The following FAM229B variants were observed in gnomAD, a reference collection of about 807,000 sequenced individuals.
FAM229B encodes family with sequence similarity 229 member B.
A neutral mutation model predicts 6.7 loss-of-function variants in FAM229B; 2 were observed. The observed-to-expected ratio is 0.30, with a 90% confidence interval of 0.12 to 0.94. The LOEUF (loss-of-function observed/expected upper bound fraction) is 0.94, where lower values mean the gene tolerates loss of function less well. Among genes scored for constraint, FAM229B ranks in the 40% least tolerant of loss-of-function variants. FAM229B has a pLI of 0.54. For synonymous variants in FAM229B, 29 were observed against 34.0 expected (o/e 0.85, Z 0.51); for missense variants, 93 against 96.2 (o/e 0.97, Z 0.14).
In FAM229B at chr6:112,097,063, A is replaced by G. The variant is rs1300722625; in HGVS notation, c.-153A>G. 2.6e-5 allele frequency: 4 copies of G among 152,230 alleles called. No individual in the cohort carries two copies. Among genetic ancestry groups the G allele is most frequent in the African/African-American group, 7.2e-5 (3 of 41,456 alleles). The allele number at this position is 152,230 out of a possible 1,614,324, so 9.4% of individuals were successfully genotyped here. A position where few individuals can be genotyped will look rare whatever the true frequency, so the allele number is the denominator to read the frequency against. Reference sequence around the variant, plus strand: ...TAGCAGGTAGGAAACTATGTGAAAGAATCTCCTGATGTCATAATTTCCGGG... The same window carrying G: ...TAGCAGGTAGGAAACTATGTGAAAGGATCTCCTGATGTCATAATTTCCGGG... On this transcript the variant is annotated 5_prime_UTR_variant, in exon 2 of 4. Coordinates refer to ENST00000368656, the MANE Select transcript of FAM229B (RefSeq NM_001033564.3).
chr6:112,100,590 A>G, intron 3 of FAM229B, 80 bp from the exon 4 acceptor site: 1 of 882,732 alleles, frequency 1.1e-6, no homozygotes, highest in Non-Finnish European at 1.9e-6. Flanking sequence ...AGTTAAATAT[A>G]CAATCAAACT....
chr6:112,090,763 G>A (rs1395207384), intron 1 of FAM229B, among the ~76,000 whole-genome samples: 1 of 152,022 alleles, frequency 6.6e-6, no homozygotes, highest in Non-Finnish European at 1.5e-5. Context: ...TATTAATGGG[G>A]TACAGTTGAT....
chr6:112,100,797 G>A lies in FAM229B; in HGVS notation c.*10G>A, dbSNP rs1554319200. On this transcript the variant is annotated 3_prime_UTR_variant, in exon 4 of 4. Transcript: ENST00000368656. ...AATGCATCCTAAATAGCACCATTAA[G>A]TCTTTTGTCAAGGTCTGACTAGGTC... 3 of 1,601,194 alleles carry A rather than the reference G, an allele frequency of 1.9e-6. No individual in the cohort carries two copies. The South Asian group carries it at 3.3e-5, about 18-fold the overall frequency.
rs1350099897 is a variant in FAM229B, at chr6:112,101,088, T to G, written c.*301T>G. The G allele has an allele frequency of 1.3e-5, 3 of 235,750 alleles. No individual in the cohort carries two copies. Among genetic ancestry groups the G allele is most frequent in the African/African-American group, 6.8e-5 (3 of 43,842 alleles). The allele number at this position is 235,750 out of a possible 1,614,324, so 14.6% of individuals were successfully genotyped here. A position where few individuals can be genotyped will look rare whatever the true frequency, so the allele number is the denominator to read the frequency against. On this transcript the variant is annotated 3_prime_UTR_variant, in exon 4 of 4. Transcript: ENST00000368656. ...AAAGATGAAGCTTAATCCACCATGG[T>G]CATCAGTCAGGTGGGGCTTATTCTA...
chr6:112,099,022 C>T (rs868922362), intron 2 of FAM229B, among the ~76,000 whole-genome samples: 10 of 152,206 alleles, frequency 6.6e-5, no homozygotes, highest in Non-Finnish European at 7.4e-5. Flanking sequence ...AGGGCAGGCA[C>T]GTTGTGTGCA....
chr6:112,095,687 A>C (rs1291479244), intron 1 of FAM229B, among the ~76,000 whole-genome samples: 1 of 150,816 alleles, frequency 6.6e-6, no homozygotes, highest in Non-Finnish European at 1.5e-5. Flanking sequence ...AGAAAAAAAA[A>C]AACCTCTAAC....
At chr6:112,089,347 A>G (rs1777226577) in intron 1 of FAM229B, among the ~76,000 whole-genome samples, 1 of 151,990 alleles carries the variant, frequency 6.6e-6, no homozygotes, top group Admixed American at 6.6e-5. Flanking sequence ...AAAGATGGAT[A>G]AAGTACAAGA....
At chr6:112,091,698 A>G (rs1777259186) in intron 1 of FAM229B, among the ~76,000 whole-genome samples, 1 of 152,176 alleles carries the variant, frequency 6.6e-6, no homozygotes, top group Non-Finnish European at 1.5e-5. Flanking sequence ...CAAGTCAAAA[A>G]TTGCCAGATA....
chr6:112,096,710 T>C (rs752813767), intron 1 of FAM229B, among the ~76,000 whole-genome samples: 69 of 152,076 alleles, frequency 4.5e-4, no homozygotes, highest in Non-Finnish European at 2.5e-4. Flanking sequence ...GTAAGAGTTA[T>C]AGAGAAATTT....
intron 1 of FAM229B, among the ~76,000 whole-genome samples, chr6:112,094,841 G>C (rs892296702): frequency 6.6e-6 from 1 of 152,024 alleles, no homozygotes; most frequent in Admixed American, 6.5e-5. Context: ...GATACTTAAG[G>C]GGGTATTTGG....
Position 112,100,831 on chromosome 6 carries a change from TG to T in FAM229B, c.*46del. 1 of 1,378,070 alleles carries T rather than the reference TG, an allele frequency of 7.3e-7. No individual in the cohort carries two copies. The allele number at this position is 1,378,070 out of a possible 1,614,324, so 85.4% of individuals were successfully genotyped here. A position where few individuals can be genotyped will look rare whatever the true frequency, so the allele number is the denominator to read the frequency against. On this transcript the variant is annotated 3_prime_UTR_variant, in exon 4 of 4. Coordinates refer to ENST00000368656, the MANE Select transcript of FAM229B (RefSeq NM_001033564.3). ...CAAGGTCTGACTAGGTCAAGGGTAA[TG>T]GACCAGTATCATCTGGTGATCTGGT...
chr6:112,090,204 G>T (rs1318107428), intron 1 of FAM229B, among the ~76,000 whole-genome samples: 2 of 134,508 alleles, frequency 1.5e-5, no homozygotes, highest in African/African-American at 6.0e-5. Context: ...AGAGTTGTGG[G>T]TGGTCTGTTT....
At position 112,100,847 on chromosome 6, in the gene FAM229B, G is replaced by T; in HGVS notation, c.*60G>T. 8.3e-7 allele frequency: 1 copy of T among 1,209,198 alleles called. No homozygotes were observed. Among genetic ancestry groups the T allele is most frequent in the South Asian group, 1.3e-5 (1 of 79,618 alleles). The allele number at this position is 1,209,198 out of a possible 1,614,324, so 74.9% of individuals were successfully genotyped here. On this transcript the variant is annotated 3_prime_UTR_variant, in exon 4 of 4. Coordinates refer to ENST00000368656, the MANE Select transcript of FAM229B (RefSeq NM_001033564.3). ...CAAGGGTAATGGACCAGTATCATCTGGTGATCTGGTAAACAAATAAAAGTG... is the reference window on the plus strand; with the variant it reads ...CAAGGGTAATGGACCAGTATCATCTTGTGATCTGGTAAACAAATAAAAGTG...
At chr6:112,092,888 C>T (rs1777276031) in intron 1 of FAM229B, among the ~76,000 whole-genome samples, 1 of 151,570 alleles carries the variant, frequency 6.6e-6, no homozygotes, top group Admixed American at 6.6e-5. Context: ...AAACAAAACA[C>T]AAAGGTGTAT....
chr6:112,099,697 T>C (rs1479383933), intron 3 of FAM229B, among the ~76,000 whole-genome samples: 3 of 152,206 alleles, frequency 2.0e-5, no homozygotes, highest in Non-Finnish European at 2.9e-5. Flanking sequence ...TAATAGATTG[T>C]TTTGTTGATA....
rs113845628 is a variant in FAM229B at position 112,092,729 on chromosome 6, T to C, written c.-175-4312T>C. Among the ~76,000 whole-genome samples, 799 of 152,148 alleles carry C rather than the reference T, an allele frequency of 5.3e-3. 9 individuals carry two copies. Among genetic ancestry groups the C allele is most frequent in the African/African-American group, 0.019 (772 of 41,568 alleles). On this transcript the variant is annotated intron_variant, in intron 1 of 3. Coordinates refer to ENST00000368656, the MANE Select transcript of FAM229B (RefSeq NM_001033564.3). ...GTTTGTACTATAGATAGAATTAAAG[T>C]ATATGACAACAAAATTATATATAGT...
At chr6:112,092,889 A>G (rs1449874715) in intron 1 of FAM229B, among the ~76,000 whole-genome samples, 1 of 152,022 alleles carries the variant, frequency 6.6e-6, no homozygotes, top group Non-Finnish European at 1.5e-5. Context: ...AACAAAACAC[A>G]AAGGTGTATA....
intron 1 of FAM229B, among the ~76,000 whole-genome samples, chr6:112,092,259 G>A (rs2345804): frequency 0.53 from 81,015 of 151,772 alleles, 22,086 homozygotes; most frequent in African/African-American, 0.62. Flanking sequence ...CAAGTACATT[G>A]TAATCAAATT....
At position 112,099,461 on chromosome 6, in the gene FAM229B, A is replaced by T. The variant is rs181809746; in HGVS notation, c.125+53A>T. 118 of 1,523,350 alleles carry T rather than the reference A, an allele frequency of 7.7e-5. No homozygotes were observed. In the Middle Eastern group the frequency reaches 1.0e-3, roughly 13 times the overall value. 94.4% of individuals were successfully genotyped at this position (1,523,350 alleles called of 1,614,324 possible). A position where few individuals can be genotyped will look rare whatever the true frequency, so the allele number is the denominator to read the frequency against. ...GAGATATGTATTGGCTATCATCAATACAACCTTCAGCTGATATTCATTATT... is the reference window on the plus strand; with the variant it reads ...GAGATATGTATTGGCTATCATCAATTCAACCTTCAGCTGATATTCATTATT... On this transcript the variant is annotated intron_variant, in intron 3 of 3. Coordinates refer to ENST00000368656, the MANE Select transcript of FAM229B (RefSeq NM_001033564.3).
Sources: gnomAD v4.1 joint callset for allele counts (sites outside exome capture counted in the v4.1 genomes callset) on GRCh38, gnomAD v4.1.1 for gene constraint, MANE v1.5 for transcripts, NCBI Gene and HGNC (gene_info 2026-07-23, HGNC 2026-07-21) for gene names.